ADAM12: variants seen among roughly 807,000 people sequenced by gnomAD.
ADAM12 encodes ADAM metallopeptidase domain 12, also known as disintegrin and metalloproteinase domain-containing protein 12.
In ADAM12, 70 loss-of-function variants were observed where a neutral mutation model predicts 106.4. The ratio of observed to expected loss-of-function variants is 0.66; its 90% confidence interval spans 0.54 to 0.80. The LOEUF is 0.80. Ranked by LOEUF, ADAM12 falls within the 30% of genes least tolerant of loss-of-function variation. The probability of loss-of-function intolerance (pLI) is 0.00; values close to 1 mark genes in which losing one functional copy is unlikely to be tolerated. For synonymous variants in ADAM12, 420 were observed against 433.5 expected (o/e 0.97, Z 0.39); for missense variants, 1,010 against 1,171.9 (o/e 0.86, Z 2.02).
intron 11 of ADAM12, among the ~76,000 whole-genome samples, chr10:126,092,218 TG>T (rs1214354200): frequency 1.3e-5 from 2 of 152,206 alleles, no homozygotes; most frequent in Non-Finnish European, 2.9e-5. Flanking sequence ...AATGTATTTG[TG>T]CCCATCTGAT....
rs143439344 is a variant in ADAM12, at chr10:126,322,362, G to A, written c.186+8050C>T. ...AAGACGGGGATCCCAGTAACTGCCA[G>A]TTTCCTGTCCTTCCACATCTTTTCT... On this transcript the variant is annotated intron_variant, in intron 2 of 22. Coordinates refer to ENST00000448723, the MANE Select transcript of ADAM12 (RefSeq NM_001288973.2). 4.6e-3 allele frequency among the ~76,000 whole-genome samples: 699 copies of A among 152,340 alleles called. 6 individuals are homozygous for A. Among genetic ancestry groups the A allele is most frequent in the African/African-American group, 0.016 (659 of 41,590 alleles).
At chr10:126,092,974 G>A (rs527890878) in intron 11 of ADAM12, among the ~76,000 whole-genome samples, 3 of 152,234 alleles carry the variant, frequency 2.0e-5, no homozygotes, top group Admixed American at 6.5e-5. Flanking sequence ...CTTTTAAACC[G>A]CAGTAGCAGG....
At chr10:126,039,471 A>G in intron 18 of ADAM12, 42 bp from the exon 19 acceptor site, 3 of 1,612,268 alleles carry the variant, frequency 1.9e-6, no homozygotes, top group South Asian at 2.2e-5. Flanking sequence ...AGGCAGTTAC[A>G]ATGAAATATG....
chr10:126,173,063 A>T (rs1957148104), intron 3 of ADAM12, among the ~76,000 whole-genome samples: 1 of 152,190 alleles, frequency 6.6e-6, no homozygotes, highest in East Asian at 1.9e-4. Flanking sequence ...CAATGAGAAC[A>T]CATGGACATA....
intron 4 of ADAM12, among the ~76,000 whole-genome samples, chr10:126,146,562 G>A: frequency 6.6e-6 from 1 of 152,066 alleles, no homozygotes; most frequent in East Asian, 1.9e-4. Context: ...CAGACCCCCA[G>A]CTGACAGAAA....
chr10:126,380,423 C>T (rs1258421766), intron 1 of ADAM12, among the ~76,000 whole-genome samples: 1 of 152,178 alleles, frequency 6.6e-6, no homozygotes, highest in South Asian at 2.1e-4. Context: ...CAGTCTCCAG[C>T]GTGAGGTAGA....
chr10:126,028,820 AAC>A (rs36052346), intron 21 of ADAM12, among the ~76,000 whole-genome samples: 3,293 of 152,200 alleles, frequency 0.022, 102 homozygotes, highest in East Asian at 0.11. Flanking sequence ...CAGCAAAAGA[AAC>A]ACAGAATGAA....
At chr10:126,027,598 CAG>C (rs1171637870) in intron 21 of ADAM12, among the ~76,000 whole-genome samples, 1 of 152,122 alleles carries the variant, frequency 6.6e-6, no homozygotes, top group African/African-American at 2.4e-5. Context: ...ATCACATAAA[CAG>C]AACTAGAGAC....
At chr10:126,356,546 C>T (rs1288427952) in intron 1 of ADAM12, among the ~76,000 whole-genome samples, 4 of 152,142 alleles carry the variant, frequency 2.6e-5, no homozygotes, top group African/African-American at 9.7e-5. Context: ...ACTGTCTCCC[C>T]AAATGCGCAA....
At chr10:126,383,889 T>C (rs2133939817) in intron 1 of ADAM12, among the ~76,000 whole-genome samples, 1 of 152,328 alleles carries the variant, frequency 6.6e-6, no homozygotes, top group African/African-American at 2.4e-5. Context: ...TAGTTAAAAA[T>C]ATTTACTTTT....
intron 12 of ADAM12, chr10:126,067,079 C>T (rs1954886981): frequency 2.4e-6 from 1 of 424,238 alleles, no homozygotes; most frequent in African/African-American, 2.0e-5. Context: ...CGGCTGGGGA[C>T]ATCACTCTAG....
chr10:126,098,297 T>C, intron 10 of ADAM12, 119 bp downstream of exon 10: 2 of 810,556 alleles, frequency 2.5e-6, no homozygotes, highest in Non-Finnish European at 4.0e-6. Flanking sequence ...ACAGTAAAAA[T>C]AGAGTTAAAT....
chr10:126,101,267 T>A (rs1254324398), intron 8 of ADAM12, 26 bp from the exon 9 acceptor site: 1 of 1,606,762 alleles, frequency 6.2e-7, no homozygotes, highest in Non-Finnish European at 8.5e-7. Flanking sequence ...AAAACTGGCA[T>A]TGGAGTTGGG....
chr10:126,044,377 AG>A, intron 17 of ADAM12, among the ~76,000 whole-genome samples: 1 of 152,334 alleles, frequency 6.6e-6, no homozygotes, highest in Admixed American at 6.5e-5. Flanking sequence ...ATTAGGAATG[AG>A]TGGGACTACT....
chr10:126,244,591 T>TA (rs1958593341), intron 3 of ADAM12, among the ~76,000 whole-genome samples: 1 of 152,210 alleles, frequency 6.6e-6, no homozygotes, highest in African/African-American at 2.4e-5. Flanking sequence ...AAGTGTCACT[T>TA]AAAATCTAAT....
At chr10:126,210,679 A>T (rs899528426) in intron 3 of ADAM12, among the ~76,000 whole-genome samples, 2 of 152,250 alleles carry the variant, frequency 1.3e-5, no homozygotes, top group African/African-American at 4.8e-5. Flanking sequence ...CAGAGAGCCC[A>T]GGATGAGATT....
At chr10:126,326,360 G>A (rs781191737) in intron 2 of ADAM12, among the ~76,000 whole-genome samples, 76 of 152,282 alleles carry the variant, frequency 5.0e-4, no homozygotes, top group Admixed American at 1.6e-3. Flanking sequence ...AGTCAATGAC[G>A]TGGTGAACAC....
chr10:126,330,908 T>G (rs1000835791), intron 1 of ADAM12, among the ~76,000 whole-genome samples: 2 of 152,208 alleles, frequency 1.3e-5, no homozygotes, highest in African/African-American at 4.8e-5. Context: ...TAAGACTAAA[T>G]CCATTTATTT....
At position 126,108,522 on chromosome 10, in the gene ADAM12, A is replaced by T. The variant is rs1022019328; in HGVS notation, c.741+71T>A. 4 of 1,394,370 alleles carry T rather than the reference A, an allele frequency of 2.9e-6. No homozygotes were observed. The African/African-American group carries it at 5.7e-5, about 20-fold the overall frequency. The allele number at this position is 1,394,370 out of a possible 1,614,324, so 86.4% of individuals were successfully genotyped here. On this transcript the variant is annotated intron_variant, in intron 8 of 22. Transcript: ENST00000448723. ...GAACCTCATCTCCTTGCTAAGTCAG[A>T]TGAGGTCCCCCAACCTCATTTCCAA...
Sources: gnomAD v4.1 joint callset for allele counts (sites outside exome capture counted in the v4.1 genomes callset) on GRCh38, gnomAD v4.1.1 for gene constraint, MANE v1.5 for transcripts, NCBI Gene and HGNC (gene_info 2026-07-23, HGNC 2026-07-21) for gene names.